KLHL1: variants seen among roughly 807,000 people sequenced by gnomAD.
KLHL1 encodes the protein kelch like family member 1.
KLHL1 carries 47 observed loss-of-function variants against 77.7 expected under a neutral mutation model. The ratio of observed to expected loss-of-function variants is 0.60; its 90% CI spans 0.48 to 0.77. The LOEUF (loss-of-function observed/expected upper bound fraction) is 0.77. Ranked by LOEUF, KLHL1 falls within the 30% of genes least tolerant of loss-of-function variation. The pLI is 0.00. For synonymous variants in KLHL1, 360 were observed against 325.2 expected, an observed-to-expected ratio of 1.11 and a Z score of -1.15; for missense variants, 925 against 910.8, an observed-to-expected ratio of 1.02 and a Z score of -0.20.
intron 7 of KLHL1, among the ~76,000 whole-genome samples, chr13:69,794,700 A>C (rs1440982826): frequency 5.3e-5 from 8 of 152,114 alleles, no homozygotes; most frequent in Admixed American, 4.6e-4. Context: ...AAAACCACTA[A>C]GAAGAAGAAA....
intron 5 of KLHL1, among the ~76,000 whole-genome samples, chr13:69,851,140 TC>T (rs146917099): frequency 0.88 from 132,311 of 149,586 alleles, 59,397 homozygotes; most frequent in East Asian, 0.99. Context: ...GGTAGCTGTC[TC>T]TTTTTTAAGT....
intron 4 of KLHL1, among the ~76,000 whole-genome samples, chr13:69,939,378 T>TATATATATATATATATATACAC (rs1200160699): frequency 5.2e-4 from 37 of 70,766 alleles, no homozygotes; most frequent in African/African-American, 1.7e-3. Context: ...TATATATATA[T>TATATATATATATATATATACAC]ACACACACAC....
chr13:69,884,249 T>C (rs2138198087), intron 4 of KLHL1, among the ~76,000 whole-genome samples: 1 of 152,216 alleles, frequency 6.6e-6, no homozygotes, highest in South Asian at 2.1e-4. Context: ...AATTTGTAAA[T>C]AATGTCTTTA....
intron 7 of KLHL1, among the ~76,000 whole-genome samples, chr13:69,764,288 G>GTTTTCTGTACATCACTTTCCT (rs1190264015): frequency 6.6e-6 from 1 of 152,090 alleles, no homozygotes; most frequent in Admixed American, 6.6e-5. Context: ...TCCATACACT[G>GTTTTCTGTACATCACTTTCCT]TTTTCTGTAC....
intron 2 of KLHL1, among the ~76,000 whole-genome samples, chr13:69,974,889 TA>T (rs1277268107): frequency 1.3e-5 from 2 of 152,024 alleles, no homozygotes; most frequent in Admixed American, 1.3e-4. Context: ...ATTTGAAAAA[TA>T]AAATCAATAA....
chr13:70,027,537 G>A (rs34513199), intron 1 of KLHL1, among the ~76,000 whole-genome samples: 39,877 of 151,780 alleles, frequency 0.26, 5,811 homozygotes, highest in East Asian at 0.59. Flanking sequence ...CAGCAAAGGG[G>A]GAGAAAACTA....
intron 1 of KLHL1, among the ~76,000 whole-genome samples, chr13:70,012,879 G>C (rs1383548032): frequency 6.7e-6 from 1 of 148,714 alleles, no homozygotes; most frequent in African/African-American, 2.5e-5. Context: ...CTCCAGCCTG[G>C]TTGACAGAGC....
At chr13:69,842,113 G>C (rs1383574673) in intron 5 of KLHL1, among the ~76,000 whole-genome samples, 1 of 151,660 alleles carries the variant, frequency 6.6e-6, no homozygotes, top group African/African-American at 2.4e-5. Flanking sequence ...CCTAGAGAAA[G>C]TTCTCATAAA....
In KLHL1 at chr13:70,028,449, T is replaced by A. The variant is rs565859103; in HGVS notation, c.498-52647A>T. ...TTTAAAAATCTCATGTTGTTGTTTA[T>A]GTTTTTATAGTGGTAGCCTGGATTA... On this transcript the variant is annotated intron_variant, in intron 1 of 10. Coordinates refer to ENST00000377844, the MANE Select transcript of KLHL1 (RefSeq NM_020866.3). Among the ~76,000 whole-genome samples, 4 of 152,278 alleles carry A rather than the reference T, an allele frequency of 2.6e-5. No homozygotes were observed. In the East Asian group the frequency reaches 7.7e-4, roughly 29 times the overall value.
At chr13:70,046,637 A>C (rs897575194) in intron 1 of KLHL1, among the ~76,000 whole-genome samples, 1 of 152,068 alleles carries the variant, frequency 6.6e-6, no homozygotes, top group Non-Finnish European at 1.5e-5. Context: ...ACAGGAGTGC[A>C]CCACCATACC....
chr13:69,892,726 A>G (rs1478664192), intron 4 of KLHL1, among the ~76,000 whole-genome samples: 1 of 152,232 alleles, frequency 6.6e-6, no homozygotes, highest in Non-Finnish European at 1.5e-5. Flanking sequence ...TGTTATATGC[A>G]TAATCAGAAA....
intron 5 of KLHL1, among the ~76,000 whole-genome samples, chr13:69,871,337 T>C (rs1183410485): frequency 1.3e-5 from 2 of 152,134 alleles, no homozygotes; most frequent in Non-Finnish European, 2.9e-5. Flanking sequence ...TCTTGGCCTG[T>C]GATGGAAGGG....
chr13:69,870,413 C>G (rs1224619059), intron 5 of KLHL1, among the ~76,000 whole-genome samples: 1 of 152,050 alleles, frequency 6.6e-6, no homozygotes, highest in Non-Finnish European at 1.5e-5. Flanking sequence ...GCCTCAAGTC[C>G]AACATTGGGT....
intron 1 of KLHL1, among the ~76,000 whole-genome samples, chr13:70,094,477 C>A: frequency 6.7e-6 from 1 of 148,790 alleles, no homozygotes; most frequent in African/African-American, 2.5e-5. Context: ...TGGGAAAAAG[C>A]AAAAAGTGTG....
At chr13:69,839,546 C>G (rs1445217321) in intron 5 of KLHL1, among the ~76,000 whole-genome samples, 1 of 151,770 alleles carries the variant, frequency 6.6e-6, no homozygotes, top group Non-Finnish European at 1.5e-5. Context: ...ACAAATTAAG[C>G]CATTACAAGC....
intron 1 of KLHL1, among the ~76,000 whole-genome samples, chr13:70,086,363 A>G (rs564798664): frequency 6.6e-6 from 1 of 151,990 alleles, no homozygotes; most frequent in African/African-American, 2.4e-5. Flanking sequence ...TGCTTGGATC[A>G]CCTGAAGTCA....
At chr13:69,809,122 C>A (rs764576875) in intron 6 of KLHL1, among the ~76,000 whole-genome samples, 48 of 152,044 alleles carry the variant, frequency 3.2e-4, no homozygotes, top group Non-Finnish European at 5.6e-4. Context: ...AAGCAAGCAA[C>A]TTGGAAGACA....
At chr13:69,934,974 A>ATATATATATATATATG (rs1454921834) in intron 4 of KLHL1, among the ~76,000 whole-genome samples, 1 of 134,746 alleles carries the variant, frequency 7.4e-6, no homozygotes. Context: ...ATATATATAT[A>ATATATATATATATATG]TATATATATA....
chr13:69,754,247 T>C (rs962486051), intron 7 of KLHL1, among the ~76,000 whole-genome samples: 2 of 152,128 alleles, frequency 1.3e-5, no homozygotes, highest in Admixed American at 6.6e-5. Flanking sequence ...GACAGCCAAC[T>C]CTCTGAGAGT....
Sources: gnomAD v4.1 joint callset for allele counts (sites outside exome capture counted in the v4.1 genomes callset) on GRCh38, gnomAD v4.1.1 for gene constraint, MANE v1.5 for transcripts, NCBI Gene and HGNC (gene_info 2026-07-23, HGNC 2026-07-21) for gene names.